Variants in PCDH15 observed in about 807,000 individuals in gnomAD.
PCDH15 encodes the protein protocadherin related 15.
Under a neutral mutation model 178.5 loss-of-function variants are expected in PCDH15, and 129 were observed. The ratio of observed to expected loss-of-function variants is 0.72; its 90% CI spans 0.63 to 0.84. The LOEUF is 0.84. Among genes scored for constraint, PCDH15 ranks in the 40% least tolerant of loss-of-function variants. The probability of loss-of-function intolerance (pLI) is 0.00; values close to 1 mark genes in which losing one functional copy is unlikely to be tolerated. For missense variants in PCDH15, 2,230 were observed against 2,099.9 expected (o/e 1.06, Z -1.21); for synonymous variants, 800 against 732.0 (o/e 1.09, Z -1.50).
chr10:55,477,256 A>C (rs766877352), intron 2 of PCDH15, among the ~76,000 whole-genome samples: 2 of 151,854 alleles, frequency 1.3e-5, no homozygotes, highest in Admixed American at 6.6e-5. Flanking sequence ...TGAAGGACAG[A>C]AGTTGAGTAT....
chr10:54,222,832 A>G (rs1384318027), intron 9 of PCDH15, among the ~76,000 whole-genome samples: 1 of 152,180 alleles, frequency 6.6e-6, no homozygotes, highest in Non-Finnish European at 1.5e-5. Flanking sequence ...CATTTTTATT[A>G]AATTGTGTTT....
At chr10:54,992,757 GAAA>G (rs202240183) in intron 2 of PCDH15, among the ~76,000 whole-genome samples, 7,713 of 121,122 alleles carry the variant, frequency 0.064, 260 homozygotes, top group East Asian at 0.13. Context: ...TCCATCTCAA[GAAA>G]AAAAAAAAAA....
At position 54,404,757 on chromosome 10, in the gene PCDH15, C is replaced by G. The variant is rs1952413017; in HGVS notation, c.158-25815G>C. ...AAATTCTTACAAACTATGCATTTGA[C>G]AAAGGTCTAATATTCAGCAACTAAA... is the stretch of plus-strand genomic sequence containing the variant. On this transcript the variant is annotated intron_variant, in intron 3 of 37. Coordinates refer to ENST00000644397, the MANE Select transcript of PCDH15 (RefSeq NM_001384140.1). Among the ~76,000 whole-genome samples the G allele has an allele frequency of 2.6e-5, 4 of 151,826 alleles. No homozygotes were observed. In the South Asian group the frequency reaches 8.3e-4, roughly 32 times the overall value.
chr10:55,005,836 C>A (rs1227572736), intron 2 of PCDH15, among the ~76,000 whole-genome samples: 1 of 151,592 alleles, frequency 6.6e-6, no homozygotes, highest in South Asian at 2.1e-4. Flanking sequence ...GCTTGGTTAC[C>A]CTGAAGCAAA....
chr10:55,345,335 A>C (rs762174608), intron 2 of PCDH15, among the ~76,000 whole-genome samples: 22 of 152,020 alleles, frequency 1.4e-4, no homozygotes, highest in Non-Finnish European at 2.9e-4. Flanking sequence ...CTGTCTAAAA[A>C]CAAGGAGTAT....
chr10:55,328,185 A>G (rs1844084517), intron 2 of PCDH15, among the ~76,000 whole-genome samples: 1 of 151,756 alleles, frequency 6.6e-6, no homozygotes, highest in Non-Finnish European at 1.5e-5. Context: ...ATACACATAC[A>G]CACATACACA....
chr10:55,544,591 T>C (rs1841838207), intron 2 of PCDH15, among the ~76,000 whole-genome samples: 2 of 152,174 alleles, frequency 1.3e-5, no homozygotes, highest in African/African-American at 4.8e-5. Context: ...AAGATTTTCT[T>C]ATTTTGTATA....
intron 26 of PCDH15, among the ~76,000 whole-genome samples, chr10:53,894,258 G>T (rs186164075): frequency 6.6e-6 from 1 of 152,134 alleles, no homozygotes; most frequent in Non-Finnish European, 1.5e-5. Flanking sequence ...CAGTTACAGG[G>T]TCATAGTCAA....
At chr10:53,808,686 T>C in intron 37 of PCDH15, 1 of 1,610,310 alleles carries the variant, frequency 6.2e-7, no homozygotes, top group African/African-American at 1.3e-5. Flanking sequence ...CCTACTGTGA[T>C]CTCTTTCAAA....
intron 1 of PCDH15, among the ~76,000 whole-genome samples, chr10:54,701,200 G>A (rs1045679607): frequency 1.1e-4 from 17 of 151,992 alleles, no homozygotes; most frequent in African/African-American, 3.6e-4. Flanking sequence ...TTCATATCTA[G>A]CCAAACTAAG....
chr10:54,047,219 T>C (rs546160113), intron 18 of PCDH15, among the ~76,000 whole-genome samples: 192 of 152,210 alleles, frequency 1.3e-3, no homozygotes, highest in Non-Finnish European at 2.0e-3. Flanking sequence ...ATAGCATGTC[T>C]GTTATACTTT....
chr10:53,832,289 T>C (rs1400296936), intron 29 of PCDH15, among the ~76,000 whole-genome samples: 1 of 152,022 alleles, frequency 6.6e-6, no homozygotes. Flanking sequence ...AATCAAGGAA[T>C]AATTATTCCT....
intron 3 of PCDH15, among the ~76,000 whole-genome samples, chr10:54,390,929 T>G (rs1220639481): frequency 1.3e-5 from 2 of 152,120 alleles, no homozygotes; most frequent in African/African-American, 4.8e-5. Context: ...TTCAGTGCCT[T>G]TTCTATAGGT....
intron 1 of PCDH15, among the ~76,000 whole-genome samples, chr10:54,740,033 G>A (rs1944585539): frequency 6.6e-6 from 1 of 151,840 alleles, no homozygotes; most frequent in Non-Finnish European, 1.5e-5. Context: ...TAGAGAAATG[G>A]GATTACACTG....
intron 3 of PCDH15, among the ~76,000 whole-genome samples, chr10:54,478,499 A>G (rs529489622): frequency 6.6e-6 from 1 of 152,286 alleles, no homozygotes; most frequent in African/African-American, 2.4e-5. Flanking sequence ...TGAATGCTCT[A>G]TCTCATTCCT....
At chr10:55,058,323 A>C (rs1249888778) in intron 2 of PCDH15, among the ~76,000 whole-genome samples, 1 of 152,028 alleles carries the variant, frequency 6.6e-6, no homozygotes, top group East Asian at 1.9e-4. Context: ...TGATCTTCCC[A>C]CCTCAGCCTC....
chr10:54,102,615 GT>G (rs1480402582), intron 15 of PCDH15, among the ~76,000 whole-genome samples: 1 of 152,234 alleles, frequency 6.6e-6, no homozygotes, highest in Non-Finnish European at 1.5e-5. Flanking sequence ...ATCCAGGGAT[GT>G]GATACTGTTT....
chr10:55,496,581 A>G (rs1840539349), intron 2 of PCDH15, among the ~76,000 whole-genome samples: 1 of 151,862 alleles, frequency 6.6e-6, no homozygotes, highest in Non-Finnish European at 1.5e-5. Flanking sequence ...ACAAATAATC[A>G]AGTGAGGAGG....
At chr10:53,821,588 T>C in intron 32 of PCDH15, 1 of 1,170,660 alleles carries the variant, frequency 8.5e-7, no homozygotes, top group Non-Finnish European at 1.1e-6. Context: ...ATATTCCCAC[T>C]AAAAAAGAGA....
Sources: allele counts gnomAD v4.1 joint callset (sites outside exome capture counted in the v4.1 genomes callset), GRCh38; gene constraint gnomAD v4.1.1; transcripts MANE v1.5; gene names NCBI Gene and HGNC (gene_info 2026-07-23, HGNC 2026-07-21).